Variants in NRAP observed in about 807,000 individuals in gnomAD.
NRAP encodes the protein nebulin related anchoring protein.
NRAP carries 189 observed loss-of-function variants against 225.9 expected under a neutral mutation model. The ratio of observed to expected loss-of-function variants is 0.84; its 90% CI spans 0.74 to 0.94. NRAP has a LOEUF of 0.94. NRAP is among the 40% of genes least tolerant of loss of function. The pLI, the probability that NRAP is intolerant of heterozygous loss-of-function variation, is 0.00. For missense variants in NRAP, 2,176 were observed against 2,168.7 expected (o/e 1.00, Z -0.07); for synonymous variants, 769 against 790.7 (o/e 0.97, Z 0.46).
intron 4 of NRAP, among the ~76,000 whole-genome samples, chr10:113,654,867 AG>A (rs1384403149): frequency 6.6e-6 from 1 of 152,234 alleles, no homozygotes; most frequent in Admixed American, 6.5e-5. Flanking sequence ...AGCAACTCAT[AG>A]ACTCAATAAT....
In NRAP at chr10:113,659,828, A is replaced by G. The variant is rs186853970; in HGVS notation, c.256-2254T>C. Among the ~76,000 whole-genome samples, 115 of 152,282 alleles carry G rather than the reference A, an allele frequency of 7.6e-4. 1 individual carries two copies. Among genetic ancestry groups the G allele is most frequent in the African/African-American group, 2.7e-3 (113 of 41,546 alleles). On this transcript the variant is annotated intron_variant, in intron 3 of 41. Transcript: ENST00000359988. ...CTTAAAATCTCTACTTTTCTCCTTC[A>G]TCACCATCACTGAAAAATCTCTTTC...
In NRAP at chr10:113,645,944, G is replaced by GAAA. The variant is rs35741231; in HGVS notation, c.994-6_994-4dup. On this transcript the variant is annotated splice_polypyrimidine_tract_variant and splice_region_variant and intron_variant, in intron 10 of 41. Transcript: ENST00000359988. ...TTGAAGTCCTGCCTGTATTTTATCT[G>GAAA]AAAAAAAAAACACAAAACGGGGCTG... 0.045 allele frequency: 54,129 copies of GAAA among 1,207,548 alleles called. 74 individuals are homozygous for GAAA. The highest frequency in any genetic ancestry group is 0.061 in the East Asian group (2,152 of 35,420). The allele number at this position is 1,207,548 out of a possible 1,614,324, so 74.8% of individuals were successfully genotyped here.
chr10:113,606,130 A>G, intron 33 of NRAP, 48 bp downstream of exon 33: 1 of 1,351,288 alleles, frequency 7.4e-7, no homozygotes, highest in South Asian at 1.2e-5. Context: ...AGATGTAGAC[A>G]TACATGGCTT....
At chr10:113,604,505 G>A (rs535245452) in intron 35 of NRAP, 104 bp downstream of exon 35, 65 of 926,792 alleles carry the variant, frequency 7.0e-5, no homozygotes, top group Admixed American at 1.2e-4. Flanking sequence ...GCAGATAGGG[G>A]CAGGAGAGCC....
intron 35 of NRAP, among the ~76,000 whole-genome samples, chr10:113,604,071 A>C (rs1210183153): frequency 6.6e-6 from 1 of 152,012 alleles, no homozygotes; most frequent in African/African-American, 2.4e-5. Context: ...TAACTGCTGC[A>C]CTCTCAGGGC....
chr10:113,633,486 T>C (rs1848687449), intron 15 of NRAP, among the ~76,000 whole-genome samples: 1 of 152,202 alleles, frequency 6.6e-6, no homozygotes, highest in African/African-American at 2.4e-5. Context: ...TAAAAAACAT[T>C]TGCTGCAGTG....
intron 11 of NRAP, among the ~76,000 whole-genome samples, chr10:113,644,810 T>C (rs916540195): frequency 2.6e-5 from 4 of 152,232 alleles, no homozygotes; most frequent in African/African-American, 9.6e-5. Context: ...GATATTTGCA[T>C]ATCTGTTTGT....
Position 113,596,930 on chromosome 10 carries a change from T to C in NRAP, c.4431+156A>G, listed in dbSNP as rs143366708. Among the ~76,000 whole-genome samples the C allele has an allele frequency of 9.0e-3, 1,374 of 152,198 alleles. 19 individuals are homozygous for C. Among genetic ancestry groups the C allele is most frequent in the African/African-American group, 0.032 (1,325 of 41,522 alleles). On this transcript the variant is annotated intron_variant, in intron 37 of 41. Coordinates refer to ENST00000359988, the MANE Select transcript of NRAP (RefSeq NM_198060.4). ...AGCAACTGGCCCAAGACCATCCAGG[T>C]CATAGAAAGATTTACACACCCATCT...
intron 26 of NRAP, among the ~76,000 whole-genome samples, chr10:113,616,974 G>A (rs1213683178): frequency 6.6e-6 from 1 of 152,150 alleles, no homozygotes; most frequent in African/African-American, 2.4e-5. Context: ...AAAGGAGTAT[G>A]GGAAATGGCT....
chr10:113,618,148 CAA>C (rs372609403), intron 25 of NRAP, among the ~76,000 whole-genome samples: 23 of 112,100 alleles, frequency 2.1e-4, no homozygotes, highest in Admixed American at 2.8e-4. Context: ...GACACTGAAG[CAA>C]AAAAAAAAAA....
At chr10:113,607,412 A>G (rs1847050766) in intron 32 of NRAP, among the ~76,000 whole-genome samples, 1 of 40,446 alleles carries the variant, frequency 2.5e-5, no homozygotes, top group African/African-American at 9.9e-5. Context: ...AAAAAAAAAA[A>G]AAAAAAAAAA....
chr10:113,610,873 G>A (rs890321309), intron 30 of NRAP, among the ~76,000 whole-genome samples: 2 of 152,162 alleles, frequency 1.3e-5, no homozygotes, highest in Non-Finnish European at 2.9e-5. Flanking sequence ...ACACTGAAGC[G>A]GATTGTGGTT....
chr10:113,607,535 C>A (rs968231802), intron 32 of NRAP, among the ~76,000 whole-genome samples: 2 of 151,508 alleles, frequency 1.3e-5, no homozygotes, highest in African/African-American at 4.9e-5. Flanking sequence ...TGTTATCCCA[C>A]AGCACAAAGC....
chr10:113,646,853 C>T (rs1849541677), intron 10 of NRAP, 70 bp downstream of exon 10: 1 of 1,023,040 alleles, frequency 9.8e-7, no homozygotes. Flanking sequence ...GTGTAGGTTT[C>T]AGTAAGCACA....
intron 24 of NRAP, 102 bp downstream of exon 24, chr10:113,621,767 T>C (rs1466229970): frequency 1.9e-6 from 2 of 1,062,516 alleles, no homozygotes; most frequent in African/African-American, 3.1e-5. Flanking sequence ...AGGTGTCCCA[T>C]AGCATAAATT....
In NRAP at chr10:113,588,990, C is replaced by T; in HGVS notation, c.5178G>A (p.Lys1726=). Residue 1726 remains lysine (K), a synonymous_variant, in exon 42 of 42, where the codon AAG becomes AAA. Transcript: ENST00000359988. ...TGGACATGGCTCACAACAGCAGGGCCTTCTTCTTTTTGACGTGCAGAATCT... is the reference window on the plus strand; with the variant it reads ...TGGACATGGCTCACAACAGCAGGGCTTTCTTCTTTTTGACGTGCAGAATCT... The part of the protein sequence containing the change: ...ATEILHVKKK[K]ALLL 1 of 1,608,262 alleles carries T rather than the reference C, an allele frequency of 6.2e-7. No individual in the cohort carries two copies. The highest frequency in any genetic ancestry group is 8.5e-7 in the Non-Finnish European group (1 of 1,179,328).
chr10:113,650,034 T>C lies in NRAP; in HGVS notation c.888+3A>G. The C allele has an allele frequency of 1.3e-6, 2 of 1,532,562 alleles. No individual in the cohort carries two copies. Among genetic ancestry groups the C allele is most frequent in the South Asian group, 1.1e-5 (1 of 89,414 alleles). The allele number at this position is 1,532,562 out of a possible 1,614,324, so 94.9% of individuals were successfully genotyped here. On this transcript the variant is annotated splice_donor_region_variant and intron_variant, in intron 9 of 41. Transcript: ENST00000359988. ...CAGGTCAGGAGATCATTTTATCACATACCTGGCCATATTGGTCTGCACATT... is the reference window on the plus strand; with the variant it reads ...CAGGTCAGGAGATCATTTTATCACACACCTGGCCATATTGGTCTGCACATT...
In NRAP at chr10:113,652,858, T is replaced by A. The variant is rs1467816726; in HGVS notation, c.570+77A>T. 12 of 966,798 alleles carry A rather than the reference T, an allele frequency of 1.2e-5. No homozygotes were observed. The East Asian group carries it at 2.9e-4, about 23-fold the overall frequency. 59.9% of individuals were successfully genotyped at this position (966,798 alleles called of 1,614,324 possible). A position where few individuals can be genotyped will look rare whatever the true frequency, so the allele number is the denominator to read the frequency against. On this transcript the variant is annotated intron_variant, in intron 6 of 41. Coordinates refer to ENST00000359988, the MANE Select transcript of NRAP (RefSeq NM_198060.4). ...CTTCCCCAAAGCACTCTCTTACTGT[T>A]TTTTCCCTAAATCACGGGGGCTCAT...
rs752116665 is a variant in NRAP, at chr10:113,631,892, G to GC, written c.1704dup (p.Leu569AlafsTer11). 6.2e-7 allele frequency: 1 copy of GC among 1,613,244 alleles called. No homozygotes were observed. ...AGCTCCCCAGAGGCTTTGGCGGCCAGCAGAGACATGGCATCCAGCTTCATC... is the reference window on the plus strand; with the variant it reads ...AGCTCCCCAGAGGCTTTGGCGGCCAGCCAGAGACATGGCATCCAGCTTCATC... On this transcript the variant is annotated frameshift_variant, in exon 17 of 42. Transcript: ENST00000359988. LOFTEE classifies it high-confidence loss of function.
Sources: gnomAD v4.1 joint callset for allele counts (sites outside exome capture counted in the v4.1 genomes callset) on GRCh38, gnomAD v4.1.1 for gene constraint, MANE v1.5 for transcripts, NCBI Gene and HGNC (gene_info 2026-07-23, HGNC 2026-07-21) for gene names.